Variants in LHFPL3 observed in about 807,000 individuals in gnomAD.
LHFPL3 encodes the protein LHFPL tetraspan subfamily member 3 protein.
Under a neutral mutation model 19.3 loss-of-function variants are expected in LHFPL3, and 5 were observed. The ratio of observed to expected loss-of-function variants is 0.26; its 90% CI spans 0.14 to 0.54. LHFPL3 has a LOEUF of 0.54. Among genes scored for constraint, LHFPL3 ranks in the 20% least tolerant of loss-of-function variants. The pLI is 0.94. For synonymous variants in LHFPL3, 133 were observed against 126.2 expected (o/e 1.05, Z -0.36); for missense variants, 249 against 307.4 (o/e 0.81, Z 1.42).
intron 1 of LHFPL3, among the ~76,000 whole-genome samples, chr7:104,578,745 C>T (rs1790397470): frequency 1.3e-5 from 2 of 152,208 alleles, no homozygotes; most frequent in Non-Finnish European, 2.9e-5. Flanking sequence ...CCCTTAATCT[C>T]TTCACTCTAA....
At chr7:104,697,962 C>T (rs768731147) in intron 1 of LHFPL3, among the ~76,000 whole-genome samples, 4 of 152,270 alleles carry the variant, frequency 2.6e-5, no homozygotes, top group Non-Finnish European at 5.9e-5. Flanking sequence ...GGTTGTATTA[C>T]GGATTTCTTA....
intron 2 of LHFPL3, among the ~76,000 whole-genome samples, chr7:104,894,352 G>T (rs1792313534): frequency 6.6e-6 from 1 of 152,178 alleles, no homozygotes; most frequent in East Asian, 1.9e-4. Flanking sequence ...TCATTATAGG[G>T]AACTCTTAAC....
chr7:104,590,387 G>A (rs1790685792), intron 1 of LHFPL3, among the ~76,000 whole-genome samples: 1 of 152,108 alleles, frequency 6.6e-6, no homozygotes, highest in South Asian at 2.1e-4. Context: ...AGTCATTCAG[G>A]AGCAGGTTGT....
At chr7:104,431,514 G>A (rs1259901831) in intron 1 of LHFPL3, among the ~76,000 whole-genome samples, 1 of 151,880 alleles carries the variant, frequency 6.6e-6, no homozygotes, top group Non-Finnish European at 1.5e-5. Context: ...TCACTTATTT[G>A]ATCATTTTAT....
intron 1 of LHFPL3, among the ~76,000 whole-genome samples, chr7:104,620,972 C>G (rs1272120358): frequency 6.6e-6 from 1 of 152,200 alleles, no homozygotes; most frequent in Admixed American, 6.5e-5. Flanking sequence ...TCTCTACCCT[C>G]TCTAGGAAAA....
chr7:104,722,349 A>T (rs2116251142), intron 1 of LHFPL3, among the ~76,000 whole-genome samples: 1 of 152,274 alleles, frequency 6.6e-6, no homozygotes, highest in Non-Finnish European at 1.5e-5. Context: ...CAGACACAAC[A>T]TTCTAACTCT....
intron 1 of LHFPL3, among the ~76,000 whole-genome samples, chr7:104,439,267 G>C (rs187898247): frequency 6.6e-6 from 1 of 152,214 alleles, no homozygotes; most frequent in East Asian, 1.9e-4. Context: ...TTAGAAAACA[G>C]AGGATGAAGA....
chr7:104,617,329 TA>T (rs1261028537), intron 1 of LHFPL3, among the ~76,000 whole-genome samples: 1 of 152,128 alleles, frequency 6.6e-6, no homozygotes, highest in Non-Finnish European at 1.5e-5. Flanking sequence ...TGACTTGAAA[TA>T]ATCATCTTAA....
intron 1 of LHFPL3, among the ~76,000 whole-genome samples, chr7:104,385,766 A>G (rs957314414): frequency 6.6e-6 from 1 of 152,240 alleles, no homozygotes; most frequent in Non-Finnish European, 1.5e-5. Context: ...TGTGTGGACT[A>G]TAAATGTTTC....
intron 1 of LHFPL3, among the ~76,000 whole-genome samples, chr7:104,699,398 A>G (rs1793059228): frequency 6.6e-6 from 1 of 152,260 alleles, no homozygotes; most frequent in Admixed American, 6.5e-5. Context: ...ATGCTACAAC[A>G]TGGATGAACC....
intron 1 of LHFPL3, among the ~76,000 whole-genome samples, chr7:104,394,463 G>T (rs1409632457): frequency 6.6e-6 from 1 of 152,088 alleles, no homozygotes; most frequent in Middle Eastern, 3.2e-3. Flanking sequence ...CTCATAAAGA[G>T]ATAAATAGCC....
At chr7:104,613,460 G>A (rs752238913) in intron 1 of LHFPL3, among the ~76,000 whole-genome samples, 26 of 152,064 alleles carry the variant, frequency 1.7e-4, no homozygotes, top group Non-Finnish European at 3.4e-4. Flanking sequence ...AAAGACCCAG[G>A]GCTTAGAAAA....
chr7:104,498,327 A>G (rs1028514959), intron 1 of LHFPL3, among the ~76,000 whole-genome samples: 2 of 152,108 alleles, frequency 1.3e-5, no homozygotes, highest in Admixed American at 6.5e-5. Context: ...AGTTCTATCA[A>G]ACTGTCTGCA....
intron 1 of LHFPL3, among the ~76,000 whole-genome samples, chr7:104,543,237 T>G (rs1399301314): frequency 6.6e-6 from 1 of 152,036 alleles, no homozygotes; most frequent in Non-Finnish European, 1.5e-5. Flanking sequence ...CCAGTTAGAA[T>G]GGCGATCATT....
chr7:104,724,517 G>A (rs1237206767), intron 1 of LHFPL3, among the ~76,000 whole-genome samples: 3 of 152,110 alleles, frequency 2.0e-5, no homozygotes, highest in African/African-American at 7.2e-5. Context: ...AGAGAAATTA[G>A]AAAGGGATAA....
In LHFPL3 at chr7:104,836,406, C is replaced by T. The variant is rs565496000; in HGVS notation, c.683-69781C>T. Among the ~76,000 whole-genome samples, 21 of 152,308 alleles carry T rather than the reference C, an allele frequency of 1.4e-4. No individual in the cohort carries two copies. The South Asian group carries it at 3.9e-3, about 29-fold the overall frequency. ...GTCTTGTTGCTTTCTTCTATTGTCACTGGGCGTGCTGGCCCCATATGCTAA... is the reference window on the plus strand; with the variant it reads ...GTCTTGTTGCTTTCTTCTATTGTCATTGGGCGTGCTGGCCCCATATGCTAA... On this transcript the variant is annotated intron_variant, in intron 2 of 2. Coordinates refer to ENST00000424859, the MANE Select transcript of LHFPL3 (RefSeq NM_199000.3).
intron 1 of LHFPL3, among the ~76,000 whole-genome samples, chr7:104,462,524 T>A (rs1362712387): frequency 6.6e-6 from 1 of 152,246 alleles, no homozygotes; most frequent in Non-Finnish European, 1.5e-5. Context: ...GTTCTGTTTA[T>A]GTGATGAGTC....
chr7:104,468,469 G>A (rs1417719534), intron 1 of LHFPL3, among the ~76,000 whole-genome samples: 2 of 152,168 alleles, frequency 1.3e-5, no homozygotes, highest in Non-Finnish European at 1.5e-5. Context: ...AAGAAAGGGA[G>A]AAAATAATTG....
chr7:104,560,028 G>T (rs1220309720), intron 1 of LHFPL3, among the ~76,000 whole-genome samples: 36 of 148,952 alleles, frequency 2.4e-4, no homozygotes, highest in African/African-American at 8.9e-4. Flanking sequence ...CAGGGATGAA[G>T]CCCACTTGAT....
Sources: gnomAD v4.1 joint callset for allele counts (sites outside exome capture counted in the v4.1 genomes callset) on GRCh38, gnomAD v4.1.1 for gene constraint, MANE v1.5 for transcripts, NCBI Gene and HGNC (gene_info 2026-07-23, HGNC 2026-07-21) for gene names.